The following WWOX variants were observed in gnomAD, a reference collection of about 807,000 sequenced individuals.
WWOX encodes the protein WW domain containing oxidoreductase, also known as WW domain-containing oxidoreductase.
WWOX carries 69 observed loss-of-function variants against 46.2 expected under a neutral mutation model. The ratio of observed to expected loss-of-function variants is 1.49; its 90% CI spans 1.23 to 1.82. WWOX has a LOEUF of 1.82. Ranked by LOEUF, WWOX falls within the 40% of genes most tolerant of loss-of-function variation. The probability of loss-of-function intolerance (pLI) is 0.00; values close to 1 mark genes in which losing one functional copy is unlikely to be tolerated. For synonymous variants in WWOX, 359 were observed against 202.6 expected (o/e 1.77, Z -6.56); for missense variants, 919 against 542.6 (o/e 1.69, Z -6.89).
At chr16:78,890,855 C>T (rs144871672) in intron 8 of WWOX, 2 of 152,152 alleles carry the variant, frequency 1.3e-5, no homozygotes, top group African/African-American at 2.4e-5. Context: ...GCGTTCATAG[C>T]TATTATTATA....
At chr16:78,775,511 G>C (rs1053036460) in intron 8 of WWOX, among the ~76,000 whole-genome samples, 1 of 152,006 alleles carries the variant, frequency 6.6e-6, no homozygotes, top group South Asian at 2.1e-4. Flanking sequence ...AGCGCCCTCC[G>C]GGGGGTGGGG....
chr16:78,126,977 G>A (rs938471858), intron 4 of WWOX, among the ~76,000 whole-genome samples: 4 of 152,172 alleles, frequency 2.6e-5, no homozygotes, highest in African/African-American at 9.7e-5. Context: ...TGGAGAAATT[G>A]TACCATTGCT....
chr16:78,857,945 A>G (rs1008072353), intron 8 of WWOX, among the ~76,000 whole-genome samples: 3 of 152,192 alleles, frequency 2.0e-5, no homozygotes, highest in African/African-American at 7.2e-5. Flanking sequence ...AGGACACCCA[A>G]TTAGAAGAAT....
chr16:78,305,849 C>G (rs1440660951), intron 5 of WWOX, among the ~76,000 whole-genome samples: 1 of 152,096 alleles, frequency 6.6e-6, no homozygotes, highest in Non-Finnish European at 1.5e-5. Flanking sequence ...CAGTAGCCAA[C>G]TCTCATTTTT....
intron 5 of WWOX, among the ~76,000 whole-genome samples, chr16:78,210,037 G>GA (rs373421222): frequency 9.6e-5 from 14 of 146,594 alleles, no homozygotes; most frequent in East Asian, 4.0e-4. Context: ...AAGCCAAAAA[G>GA]AAAAAAAAAA....
chr16:78,779,466 A>C (rs1327585028), intron 8 of WWOX, among the ~76,000 whole-genome samples: 1 of 152,112 alleles, frequency 6.6e-6, no homozygotes, highest in Non-Finnish European at 1.5e-5. Flanking sequence ...GTGGGGTATT[A>C]AGGCTCAGAA....
intron 8 of WWOX, among the ~76,000 whole-genome samples, chr16:79,033,956 C>T (rs964943440): frequency 1.3e-5 from 2 of 152,178 alleles, no homozygotes; most frequent in Non-Finnish European, 2.9e-5. Flanking sequence ...CTGGGTGGCA[C>T]TGACTGGCCC....
At chr16:78,820,778 G>A (rs1473643789) in intron 8 of WWOX, among the ~76,000 whole-genome samples, 1 of 152,110 alleles carries the variant, frequency 6.6e-6, no homozygotes, top group Non-Finnish European at 1.5e-5. Context: ...CAAAATCAAG[G>A]CGTTTGTGGG....
intron 8 of WWOX, among the ~76,000 whole-genome samples, chr16:78,541,618 G>T (rs1340704767): frequency 6.6e-6 from 1 of 151,616 alleles, no homozygotes; most frequent in Non-Finnish European, 1.5e-5. Context: ...TAATGAACTT[G>T]GCCAGACAGA....
At chr16:78,575,027 AT>A (rs2044827243) in intron 8 of WWOX, among the ~76,000 whole-genome samples, 1 of 1,726 alleles carries the variant, frequency 5.8e-4, no homozygotes, top group Non-Finnish European at 1.1e-3. Flanking sequence ...ATATAAATAT[AT>A]ATATATATAT....
chr16:79,064,579 G>T (rs2048409581), intron 8 of WWOX, among the ~76,000 whole-genome samples: 1 of 152,178 alleles, frequency 6.6e-6, no homozygotes, highest in South Asian at 2.1e-4. Flanking sequence ...GGCTTATCAA[G>T]CACAGGAAAT....
chr16:78,357,721 A>G (rs1004264158), intron 5 of WWOX, among the ~76,000 whole-genome samples: 2 of 152,204 alleles, frequency 1.3e-5, no homozygotes, highest in African/African-American at 4.8e-5. Flanking sequence ...CATGCCAGGC[A>G]CAGTGCTGGG....
chr16:78,131,139 T>C (rs1445767875), intron 4 of WWOX, among the ~76,000 whole-genome samples: 6 of 152,178 alleles, frequency 3.9e-5, no homozygotes, highest in African/African-American at 7.2e-5. Context: ...CTGCACTCCA[T>C]TGTTGACCAA....
chr16:78,936,372 A>T (rs1165477745), intron 8 of WWOX, among the ~76,000 whole-genome samples: 1 of 152,154 alleles, frequency 6.6e-6, no homozygotes, highest in Non-Finnish European at 1.5e-5. Context: ...TGAAGACCCC[A>T]AAACTAACCC....
chr16:78,181,250 G>T (rs8044362), intron 5 of WWOX, among the ~76,000 whole-genome samples: 6,186 of 152,122 alleles, frequency 0.041, 390 homozygotes, highest in African/African-American at 0.14. Flanking sequence ...TTTTTATGAG[G>T]TTTTTAGTGC....
At position 78,564,365 on chromosome 16, in the gene WWOX, T is replaced by G. The variant is rs1268729992; in HGVS notation, c.1056+131613T>G. On this transcript the variant is annotated intron_variant, in intron 8 of 8. Transcript: ENST00000566780. ...CAGAAGTATTCAGTTATTTGGTGAG[T>G]GAACCCTCGCTGATGCCCTGGCTAG... 2.6e-5 allele frequency among the ~76,000 whole-genome samples: 4 copies of G among 152,198 alleles called. No individual in the cohort carries two copies. The East Asian group carries it at 7.7e-4, about 29-fold the overall frequency.
rs1015820227 is a variant in WWOX, at chr16:79,150,662, C to T, written c.1057-60946C>T. Among the ~76,000 whole-genome samples, 3 of 152,098 alleles carry T rather than the reference C, an allele frequency of 2.0e-5. No homozygotes were observed. In the South Asian group the frequency reaches 6.2e-4, roughly 32 times the overall value. ...ATATATTTTTAAATATTAAATCATC[C>T]CTTTTTCTTGAGATGGTGTCACGTC... On this transcript the variant is annotated intron_variant, in intron 8 of 8. Coordinates refer to ENST00000566780, the MANE Select transcript of WWOX (RefSeq NM_016373.4).
At chr16:78,393,806 T>A (rs1469705191) in intron 6 of WWOX, among the ~76,000 whole-genome samples, 2 of 152,138 alleles carry the variant, frequency 1.3e-5, no homozygotes, top group African/African-American at 4.8e-5. Context: ...TACTTAAGCT[T>A]TGTCTCACTT....
intron 8 of WWOX, among the ~76,000 whole-genome samples, chr16:78,497,874 AG>A (rs2084955790): frequency 6.6e-6 from 1 of 151,328 alleles, no homozygotes; most frequent in Non-Finnish European, 1.5e-5. Context: ...AAATTAAAAA[AG>A]CCCACATTTT....
Sources: gnomAD v4.1 joint callset for allele counts (sites outside exome capture counted in the v4.1 genomes callset) on GRCh38, gnomAD v4.1.1 for gene constraint, MANE v1.5 for transcripts, NCBI Gene and HGNC (gene_info 2026-07-23, HGNC 2026-07-21) for gene names.